Variants in NRG3 observed in about 807,000 individuals in gnomAD.
The protein encoded by NRG3 is neuregulin 3.
A neutral mutation model predicts 66.9 loss-of-function variants in NRG3; 31 were observed. The observed-to-expected ratio is 0.46, with a 90% CI of 0.35 to 0.63. The LOEUF (loss-of-function observed/expected upper bound fraction) is 0.63, where lower values mean the gene tolerates loss of function less well. Ranked by LOEUF, NRG3 falls within the 20% of genes least tolerant of loss-of-function variation. The pLI is 0.00. For missense variants in NRG3, 910 were observed against 878.9 expected (o/e 1.04, Z -0.45); for synonymous variants, 393 against 359.4 (o/e 1.09, Z -1.06).
intron 1 of NRG3, among the ~76,000 whole-genome samples, chr10:82,104,394 T>C (rs2066938511): frequency 6.6e-6 from 1 of 152,172 alleles, no homozygotes; most frequent in Admixed American, 6.5e-5. Flanking sequence ...TCTACACATA[T>C]CAGAGGAAAA....
At chr10:82,575,148 A>G (rs2133155814) in intron 2 of NRG3, among the ~76,000 whole-genome samples, 1 of 151,908 alleles carries the variant, frequency 6.6e-6, no homozygotes, top group African/African-American at 2.4e-5. Flanking sequence ...CACAATGCAT[A>G]CGTATTTTAC....
chr10:81,933,512 T>C (rs955467386), intron 1 of NRG3, among the ~76,000 whole-genome samples: 2 of 152,238 alleles, frequency 1.3e-5, no homozygotes, highest in African/African-American at 4.8e-5. Flanking sequence ...ACATGTGCCA[T>C]GTTGGTGTGT....
chr10:82,200,900 CAT>C (rs926253437), intron 1 of NRG3, among the ~76,000 whole-genome samples: 2 of 152,130 alleles, frequency 1.3e-5, no homozygotes, highest in African/African-American at 4.8e-5. Context: ...TTCAATTAAA[CAT>C]AAAGAGACAG....
intron 1 of NRG3, among the ~76,000 whole-genome samples, chr10:81,973,618 G>A (rs1000349307): frequency 6.6e-6 from 1 of 151,986 alleles, no homozygotes; most frequent in African/African-American, 2.4e-5. Context: ...GGTATTAGAT[G>A]GTATCTCATT....
intron 1 of NRG3, among the ~76,000 whole-genome samples, chr10:82,342,782 TTATA>T (rs142861948): frequency 0.02 from 3,107 of 152,122 alleles, 107 homozygotes; most frequent in African/African-American, 0.07. Context: ...TAACTCTCAC[TTATA>T]TATTTTTGTT....
chr10:82,552,494 T>C (rs938677010), intron 2 of NRG3, among the ~76,000 whole-genome samples: 1 of 152,172 alleles, frequency 6.6e-6, no homozygotes, highest in Non-Finnish European at 1.5e-5. Context: ...GACTGATAAC[T>C]TTTTTGAGTA....
At chr10:82,677,476 A>C (rs1371579879) in intron 2 of NRG3, among the ~76,000 whole-genome samples, 1 of 152,174 alleles carries the variant, frequency 6.6e-6, no homozygotes, top group Non-Finnish European at 1.5e-5. Context: ...ATTCATGCAA[A>C]AATGAAGAAA....
chr10:82,556,252 T>A (rs1356706472), intron 2 of NRG3, among the ~76,000 whole-genome samples: 3 of 152,188 alleles, frequency 2.0e-5, no homozygotes, highest in Non-Finnish European at 4.4e-5. Flanking sequence ...CTCCTTCACT[T>A]TCCTTTCTAC....
chr10:82,751,805 A>G (rs1196781698), intron 3 of NRG3, among the ~76,000 whole-genome samples: 2 of 152,206 alleles, frequency 1.3e-5, no homozygotes, highest in Non-Finnish European at 2.9e-5. Context: ...ATACTTTTGT[A>G]GAATGGAATT....
At chr10:82,618,585 T>A (rs188463339) in intron 2 of NRG3, among the ~76,000 whole-genome samples, 32 of 152,184 alleles carry the variant, frequency 2.1e-4, no homozygotes, top group African/African-American at 7.0e-4. Context: ...AGCTCAAAAA[T>A]ATGTCATATC....
chr10:82,316,316 G>A (rs112365289), intron 1 of NRG3, among the ~76,000 whole-genome samples: 12 of 152,132 alleles, frequency 7.9e-5, no homozygotes, highest in Non-Finnish European at 1.6e-4. Context: ...TGTTGGGAAC[G>A]ACTGCATTAA....
At chr10:81,945,876 G>T (rs927895201) in intron 1 of NRG3, among the ~76,000 whole-genome samples, 3 of 152,094 alleles carry the variant, frequency 2.0e-5, no homozygotes, top group Non-Finnish European at 4.4e-5. Flanking sequence ...GAGGAAGGAG[G>T]CAGAAATGAG....
chr10:82,922,842 C>A (rs1846584970), intron 4 of NRG3, among the ~76,000 whole-genome samples: 1 of 152,150 alleles, frequency 6.6e-6, no homozygotes, highest in African/African-American at 2.4e-5. Flanking sequence ...TGTCCCATCC[C>A]CCTATTCCTG....
chr10:82,785,263 G>C (rs1488339399), intron 3 of NRG3, among the ~76,000 whole-genome samples: 2 of 151,828 alleles, frequency 1.3e-5, no homozygotes, highest in Admixed American at 1.3e-4. Context: ...TAAATGACGA[G>C]TTAATGGGTG....
intron 1 of NRG3, among the ~76,000 whole-genome samples, chr10:82,102,179 C>T: frequency 2.5e-5 from 3 of 121,072 alleles, no homozygotes; most frequent in Admixed American, 9.0e-5. Context: ...AATGTAATGT[C>T]TTCTTGGGTA....
intron 2 of NRG3, among the ~76,000 whole-genome samples, chr10:82,370,301 G>A (rs540808081): frequency 2.2e-5 from 3 of 137,708 alleles, no homozygotes; most frequent in Non-Finnish European, 4.5e-5. Flanking sequence ...GAGTGGGAAG[G>A]TGATATTCCC....
chr10:82,300,990 GA>G (rs1212354152), intron 1 of NRG3, among the ~76,000 whole-genome samples: 1 of 151,344 alleles, frequency 6.6e-6, no homozygotes, highest in South Asian at 2.1e-4. Flanking sequence ...AGAAGAAGAA[GA>G]AAAAAAGAAA....
chr10:82,119,616 A>G (rs959887694), intron 1 of NRG3, among the ~76,000 whole-genome samples: 2 of 152,132 alleles, frequency 1.3e-5, no homozygotes, highest in African/African-American at 4.8e-5. Context: ...GAAACCCTAA[A>G]TAAATTAAGT....
chr10:82,692,686 GTCCATTGTGGGCATGCCC>G (rs1316329694), intron 2 of NRG3, among the ~76,000 whole-genome samples: 1 of 152,198 alleles, frequency 6.6e-6, no homozygotes, highest in East Asian at 1.9e-4. Flanking sequence ...TGGGCCTCTA[GTCCATTGTGGGCATGCCC>G]AGGCAAGCCC....
Sources: allele counts gnomAD v4.1 joint callset (sites outside exome capture counted in the v4.1 genomes callset), GRCh38; gene constraint gnomAD v4.1.1; transcripts MANE v1.5; gene names NCBI Gene and HGNC (gene_info 2026-07-23, HGNC 2026-07-21).